Variants in CSMD1 observed in about 807,000 individuals in gnomAD.
The protein encoded by CSMD1 is CUB and Sushi multiple domains 1.
A neutral mutation model predicts 417.5 loss-of-function variants in CSMD1; 213 were observed. The observed-to-expected ratio is 0.51, with a 90% confidence interval of 0.46 to 0.57. The LOEUF (loss-of-function observed/expected upper bound fraction) is 0.57. Among genes scored for constraint, CSMD1 ranks in the 20% least tolerant of loss-of-function variants. CSMD1 has a pLI of 0.00. For synonymous variants in CSMD1, 2,862 were observed against 1,736.8 expected, an observed-to-expected ratio of 1.65 and a Z score of -16.11; for missense variants, 6,923 against 4,529.7, an observed-to-expected ratio of 1.53 and a Z score of -15.17.
intron 3 of CSMD1, among the ~76,000 whole-genome samples, chr8:4,156,588 C>CAGTTA (rs1249519615): frequency 1.3e-5 from 2 of 151,992 alleles, no homozygotes; most frequent in East Asian, 3.9e-4. Flanking sequence ...CAAAAGCATT[C>CAGTTA]AGTTAGTGAC....
intron 1 of CSMD1, among the ~76,000 whole-genome samples, chr8:4,681,294 C>G (rs778578859): frequency 7.9e-5 from 12 of 152,032 alleles, no homozygotes; most frequent in Non-Finnish European, 1.5e-4. Context: ...TACTTTGTAT[C>G]GTTACATTTG....
chr8:3,101,401 C>A (rs1279087112), intron 46 of CSMD1, among the ~76,000 whole-genome samples: 1 of 152,194 alleles, frequency 6.6e-6, no homozygotes, highest in South Asian at 2.1e-4. Flanking sequence ...GAGTGTCTAG[C>A]ACAGTAATAT....
intron 1 of CSMD1, among the ~76,000 whole-genome samples, chr8:4,890,178 T>C (rs1003699600): frequency 1.3e-5 from 2 of 152,136 alleles, no homozygotes; most frequent in Admixed American, 1.3e-4. Flanking sequence ...TAATTTCTAG[T>C]CATTTTAGTC....
intron 5 of CSMD1, among the ~76,000 whole-genome samples, chr8:3,834,958 C>T (rs1024485497): frequency 3.6e-4 from 55 of 152,174 alleles, no homozygotes; most frequent in African/African-American, 1.3e-3. Context: ...TCAAAAAACA[C>T]ATGAAAAAAT....
intron 26 of CSMD1, among the ~76,000 whole-genome samples, chr8:3,258,721 G>A (rs915379656): frequency 4.6e-5 from 7 of 152,158 alleles, no homozygotes; most frequent in African/African-American, 1.4e-4. Context: ...ACTGGATAAA[G>A]AAAACATGGT....
At chr8:3,905,465 C>A (rs75134763) in intron 5 of CSMD1, among the ~76,000 whole-genome samples, 1,589 of 152,318 alleles carry the variant, frequency 0.01, 31 homozygotes, top group African/African-American at 0.036. Context: ...AACACGGGTC[C>A]AATGACGGTG....
chr8:2,983,281 G>C (rs1474652494), intron 54 of CSMD1, among the ~76,000 whole-genome samples: 1 of 152,032 alleles, frequency 6.6e-6, no homozygotes, highest in Non-Finnish European at 1.5e-5. Context: ...CCACCTGCTG[G>C]ATTCACGCCA....
At chr8:3,366,941 T>A in intron 20 of CSMD1, 91 bp downstream of exon 20, 2 of 933,498 alleles carry the variant, frequency 2.1e-6, no homozygotes, top group Admixed American at 4.2e-5. Flanking sequence ...ATGCACACAT[T>A]ACACACACAC....
At position 3,059,334 on chromosome 8, in the gene CSMD1, C is replaced by A. The variant is rs148359185; in HGVS notation, c.7475-6687G>T. On this transcript the variant is annotated intron_variant, in intron 49 of 69. Transcript: ENST00000635120. ...AGGGCTTCTGTCTTTATAAGGTGAT[C>A]CTTGCACTCCCTTCCCTGCACAACT... 7.0e-3 allele frequency among the ~76,000 whole-genome samples: 1,007 copies of A among 144,046 alleles called. 10 individuals carry two copies. Among genetic ancestry groups the A allele is most frequent in the African/African-American group, 0.022 (871 of 40,186 alleles). 94.5% of individuals were successfully genotyped at this position (144,046 alleles called of 152,430 possible). A position where few individuals can be genotyped will look rare whatever the true frequency, so the allele number is the denominator to read the frequency against.
chr8:4,724,974 C>T (rs374681882), intron 1 of CSMD1, among the ~76,000 whole-genome samples: 4 of 152,036 alleles, frequency 2.6e-5, no homozygotes, highest in East Asian at 3.9e-4. Flanking sequence ...AAAACATAAG[C>T]CCATAACATT....
chr8:3,091,997 A>G (rs1814980036), intron 47 of CSMD1, among the ~76,000 whole-genome samples: 1 of 152,248 alleles, frequency 6.6e-6, no homozygotes, highest in African/African-American at 2.4e-5. Context: ...AGGAAAATAG[A>G]AACTTTCATG....
At chr8:3,267,716 G>A (rs1056377581) in intron 26 of CSMD1, among the ~76,000 whole-genome samples, 1 of 152,210 alleles carries the variant, frequency 6.6e-6, no homozygotes, top group Non-Finnish European at 1.5e-5. Flanking sequence ...GACATCTGAT[G>A]TTTTGGGTTA....
At chr8:3,353,379 CT>C (rs1189081464) in intron 21 of CSMD1, among the ~76,000 whole-genome samples, 1 of 152,230 alleles carries the variant, frequency 6.6e-6, no homozygotes, top group African/African-American at 2.4e-5. Context: ...AACACTACCC[CT>C]ACCTTTCTGA....
At chr8:4,454,491 C>G (rs1338174828) in intron 2 of CSMD1, among the ~76,000 whole-genome samples, 1 of 152,164 alleles carries the variant, frequency 6.6e-6, no homozygotes, top group Admixed American at 6.5e-5. Context: ...TTCCCCTAGT[C>G]ACATATACAA....
intron 3 of CSMD1, among the ~76,000 whole-genome samples, chr8:4,366,879 AT>A (rs994209540): frequency 4.0e-5 from 6 of 151,148 alleles, no homozygotes; most frequent in Admixed American, 1.3e-4. Context: ...GTCCTTGCCC[AT>A]TTTTTTAATA....
At chr8:3,994,587 G>C (rs980437849) in intron 5 of CSMD1, among the ~76,000 whole-genome samples, 1 of 151,772 alleles carries the variant, frequency 6.6e-6, no homozygotes. Context: ...GGGATTGATA[G>C]GAAGCCAACC....
chr8:4,293,457 G>T (rs899804342), intron 3 of CSMD1, among the ~76,000 whole-genome samples: 2 of 152,170 alleles, frequency 1.3e-5, no homozygotes, highest in Non-Finnish European at 2.9e-5. Flanking sequence ...ACACTAATAT[G>T]TGAAAATTAT....
intron 1 of CSMD1, among the ~76,000 whole-genome samples, chr8:4,685,295 C>G (rs1280156862): frequency 6.6e-6 from 1 of 152,190 alleles, no homozygotes; most frequent in Non-Finnish European, 1.5e-5. Flanking sequence ...TAATCATGGC[C>G]AGGCGTGTTG....
In CSMD1 at chr8:4,289,710, G is replaced by A. The variant is rs73500680; in HGVS notation, c.415+130243C>T. Among the ~76,000 whole-genome samples, 374 of 152,280 alleles carry A rather than the reference G, an allele frequency of 2.5e-3. 2 individuals carry two copies. The highest frequency in any genetic ancestry group is 8.7e-3 in the African/African-American group (362 of 41,552). On this transcript the variant is annotated intron_variant, in intron 3 of 69. Coordinates refer to ENST00000635120, the MANE Select transcript of CSMD1 (RefSeq NM_033225.6). ...AAAACTTTCAGCTTTGCTTTCTTCA[G>A]CTACTGAGATTTTGCTACTGGGTAA...
Sources: allele counts gnomAD v4.1 joint callset (sites outside exome capture counted in the v4.1 genomes callset), GRCh38; gene constraint gnomAD v4.1.1; transcripts MANE v1.5; gene names NCBI Gene and HGNC (gene_info 2026-07-23, HGNC 2026-07-21).